CDH23: variants seen among roughly 807,000 people sequenced by gnomAD.
CDH23 encodes cadherin related 23, also known as cadherin-23.
CDH23 carries 189 observed loss-of-function variants against 317.1 expected under a neutral mutation model. The ratio of observed to expected loss-of-function variants is 0.60; its 90% confidence interval spans 0.53 to 0.67. The LOEUF (loss-of-function observed/expected upper bound fraction) is 0.67. CDH23 is among the 30% of genes least tolerant of loss of function. The probability of loss-of-function intolerance (pLI) is 0.00; values close to 1 mark genes in which losing one functional copy is unlikely to be tolerated. For missense variants in CDH23, 4,401 were observed against 4,592.4 expected (o/e 0.96, Z 1.20); for synonymous variants, 1,839 against 1,876.8 (o/e 0.98, Z 0.52).
rs1839717249 is a variant in CDH23 at position 71,740,906 on chromosome 10, C to T, written c.4573C>T (p.Pro1525Ser). The T allele has an allele frequency of 1.9e-6, 3 of 1,613,856 alleles. No homozygotes were observed. Among genetic ancestry groups the T allele is most frequent in the African/African-American group, 1.3e-5 (1 of 74,936 alleles). The change falls in exon 37 of 70, where the codon CCA becomes TCA. Residue 1525 changes from proline (P) to serine (S), a missense_variant. This residue lies in a region of CDH23 where 3,068 missense variants were observed against 3,203.3 expected (regional missense o/e 0.96). Coordinates refer to ENST00000224721, the MANE Select transcript of CDH23 (RefSeq NM_022124.6). Reference protein sequence around the residue: ...VTILDINDNPPVIESPFGYNV... With the variant: ...VTILDINDNPSVIESPFGYNV... ...CATCCTGGACATCAATGACAACCCT[C>T]CAGTCATCGAGAGCCCCTTTGGATA...
rs754669058 is a variant in CDH23, at chr10:71,709,067, C to T, written c.3107-31C>T. On this transcript the variant is annotated intron_variant, in intron 26 of 69. Coordinates refer to ENST00000224721, the MANE Select transcript of CDH23 (RefSeq NM_022124.6). ...TCCCCTGGCCGGGAGCTCTGTTTCC[C>T]AGCCGGAAGCTTCCTCTCCTTCACC... is the stretch of plus-strand genomic sequence containing the variant. 10 of 1,604,326 alleles carry T rather than the reference C, an allele frequency of 6.2e-6. No individual in the cohort carries two copies. In the African/African-American group the frequency reaches 1.2e-4, roughly 19 times the overall value.
chr10:71,682,603 GCT>G, intron 18 of CDH23, 31 bp downstream of exon 18: 1 of 1,608,614 alleles, frequency 6.2e-7, no homozygotes, highest in Non-Finnish European at 8.5e-7. Context: ...GCCTTGCCCT[GCT>G]AGTGTAAGGG....
In CDH23 at chr10:71,425,232, G is replaced by GAGAGAGAGAGAGAGAGAGA. The variant is rs1849006230; in HGVS notation, c.-5-14595_-5-14594insAGAGAGAGAGAGAGAGAGA. Among the ~76,000 whole-genome samples, 7 of 73,964 alleles carry GAGAGAGAGAGAGAGAGAGA rather than the reference G, an allele frequency of 9.5e-5. 2 individuals are homozygous for GAGAGAGAGAGAGAGAGAGA. The highest frequency in any genetic ancestry group is 3.2e-4 in the African/African-American group (7 of 21,554). The allele number at this position is 73,964 out of a possible 152,430, so 48.5% of individuals were successfully genotyped here. A position where few individuals can be genotyped will look rare whatever the true frequency, so the allele number is the denominator to read the frequency against. ...ATCACAGTGGGGCAGAGAGAGAGAG[G>GAGAGAGAGAGAGAGAGAGA]GAGAGAGAGAGAGAGAGAGAGAGAG... On this transcript the variant is annotated intron_variant, in intron 1 of 69. Transcript: ENST00000224721.
chr10:71,621,274 C>A (rs891043730), intron 11 of CDH23, among the ~76,000 whole-genome samples: 2 of 152,162 alleles, frequency 1.3e-5, no homozygotes, highest in East Asian at 1.9e-4. Flanking sequence ...AAAATGTGTT[C>A]GTTGAGTAAA....
chr10:71,481,032 C>T (rs1296649090), intron 3 of CDH23, among the ~76,000 whole-genome samples: 2 of 152,112 alleles, frequency 1.3e-5, no homozygotes, highest in Non-Finnish European at 2.9e-5. Context: ...TGAAAATCTG[C>T]AGCCTGACAG....
chr10:71,465,507 C>A (rs1851205115), intron 3 of CDH23, among the ~76,000 whole-genome samples: 1 of 152,246 alleles, frequency 6.6e-6, no homozygotes, highest in East Asian at 1.9e-4. Flanking sequence ...AACGGAGGGC[C>A]CTGAGCCATC....
chr10:71,724,210 A>ATGTATATGGCCCTGG, intron 29 of CDH23, 105 bp downstream of exon 29: 5 of 1,234,778 alleles, frequency 4.0e-6, no homozygotes, highest in Non-Finnish European at 5.8e-6. Flanking sequence ...GAGAACCCCC[A>ATGTATATGGCCCTGG]GGGCCATATA....
At chr10:71,610,082 GC>G (rs1860783733) in intron 9 of CDH23, among the ~76,000 whole-genome samples, 1 of 151,962 alleles carries the variant, frequency 6.6e-6, no homozygotes, top group South Asian at 2.1e-4. Context: ...TTGGCTCACT[GC>G]AACCTCCGTC....
intron 8 of CDH23, among the ~76,000 whole-genome samples, chr10:71,576,468 C>T (rs913619315): frequency 1.3e-5 from 2 of 151,812 alleles, no homozygotes; most frequent in African/African-American, 4.8e-5. Context: ...GCAGGGCATG[C>T]GTGTCAGGGA....
chr10:71,815,437 CCA>C lies in CDH23; in HGVS notation c.*161_*162del. 1.7e-6 allele frequency: 1 copy of C among 574,168 alleles called. No individual in the cohort carries two copies. The highest frequency in any genetic ancestry group is 3.0e-6 in the Non-Finnish European group (1 of 335,802). The allele number at this position is 574,168 out of a possible 1,614,324, so 35.6% of individuals were successfully genotyped here. On this transcript the variant is annotated 3_prime_UTR_variant, in exon 70 of 70. Transcript: ENST00000224721. ...GCAGCCCGCATCAGCTGCTCAGATCCCACTTTTGCCAGACGCTCATTCAGCAT... is the reference window on the plus strand; with the variant it reads ...GCAGCCCGCATCAGCTGCTCAGATCCCTTTTGCCAGACGCTCATTCAGCAT...
At chr10:71,682,103 G>C (rs961110210) in intron 17 of CDH23, among the ~76,000 whole-genome samples, 3 of 152,184 alleles carry the variant, frequency 2.0e-5, no homozygotes, top group African/African-American at 7.2e-5. Flanking sequence ...GAAAGAGCCT[G>C]GGTTCTGGAT....
At chr10:71,404,642 C>A (rs528092762) in intron 1 of CDH23, among the ~76,000 whole-genome samples, 2 of 152,230 alleles carry the variant, frequency 1.3e-5, no homozygotes, top group Non-Finnish European at 2.9e-5. Context: ...CTGCTCTTCC[C>A]GCTCCAGCAC....
At chr10:71,810,159 T>C in intron 61 of CDH23, 83 bp downstream of exon 61, 3 of 1,531,222 alleles carry the variant, frequency 2.0e-6, no homozygotes, top group South Asian at 2.4e-5. Context: ...CAGGGCATTG[T>C]GCAAAGGCCA....
At chr10:71,483,135 G>C (rs1035970378) in intron 3 of CDH23, among the ~76,000 whole-genome samples, 5 of 152,216 alleles carry the variant, frequency 3.3e-5, no homozygotes, top group Admixed American at 6.5e-5. Flanking sequence ...TGCCAGTAAG[G>C]CTGGGGCTGG....
intron 12 of CDH23, 126 bp downstream of exon 12, chr10:71,643,992 G>A (rs1176890081): frequency 4.4e-6 from 3 of 680,270 alleles, no homozygotes; most frequent in Non-Finnish European, 8.0e-6. Context: ...AGCTCCTGTG[G>A]TTGAGGGACC....
intron 14 of CDH23, among the ~76,000 whole-genome samples, chr10:71,664,522 G>T (rs1268560570): frequency 1.3e-5 from 2 of 152,188 alleles, no homozygotes; most frequent in Non-Finnish European, 2.9e-5. Context: ...GGACAGGCAG[G>T]TGGGAGGGCT....
At chr10:71,474,545 C>A (rs1471859844) in intron 3 of CDH23, among the ~76,000 whole-genome samples, 2 of 152,228 alleles carry the variant, frequency 1.3e-5, no homozygotes, top group African/African-American at 4.8e-5. Flanking sequence ...GTGGGCCTTG[C>A]ATTCTGGCAA....
At chr10:71,775,825 G>A (rs954115973) in intron 38 of CDH23, among the ~76,000 whole-genome samples, 2 of 152,200 alleles carry the variant, frequency 1.3e-5, no homozygotes, top group Non-Finnish European at 1.5e-5. Context: ...GAATAAAGAT[G>A]ACTGTCAAGG....
rs555395780 is a variant in CDH23, at chr10:71,583,371, G to T, written c.832+5379G>T. Among the ~76,000 whole-genome samples, 161 of 152,194 alleles carry T rather than the reference G, an allele frequency of 1.1e-3. 1 individual carries two copies. The highest frequency in any genetic ancestry group is 3.9e-3 in the African/African-American group (160 of 41,522). On this transcript the variant is annotated intron_variant, in intron 9 of 69. Coordinates refer to ENST00000224721, the MANE Select transcript of CDH23 (RefSeq NM_022124.6). ...GGGAGCAGCAGGGGGCCACCTGGGG[G>T]GTCTTGGGAGTGGGGTGCATAGTCA... is the stretch of plus-strand genomic sequence containing the variant.
Sources: gnomAD v4.1 joint callset for allele counts (sites outside exome capture counted in the v4.1 genomes callset) on GRCh38, gnomAD v4.1.1 for gene constraint, gnomAD v4.1.1 regional missense constraint, MANE v1.5 for transcripts, NCBI Gene and HGNC (gene_info 2026-07-23, HGNC 2026-07-21) for gene names.